The following MAGEA11 variants were observed in gnomAD, a reference collection of about 807,000 sequenced individuals.
MAGEA11 encodes melanoma-associated antigen 11.
MAGEA11 carries 1 observed loss-of-function variant against 8.4 expected under a neutral mutation model. The observed-to-expected ratio is 0.12, with a 90% CI of 0.04 to 0.57. The LOEUF (loss-of-function observed/expected upper bound fraction) is 0.57, where lower values mean the gene tolerates loss of function less well. Ranked by LOEUF, MAGEA11 falls within the 20% of genes least tolerant of loss-of-function variation. The pLI, the probability that MAGEA11 is intolerant of heterozygous loss-of-function variation, is 0.91. For missense variants in MAGEA11, 209 were observed against 317.3 expected (o/e 0.66, Z 2.59); for synonymous variants, 127 against 119.3 (o/e 1.06, Z -0.42).
rs1229422817 is a variant in MAGEA11, at chrX:149,717,245, G to A, written c.*469G>A. Reference sequence around the variant, plus strand: ...AGCTGAACTGGTGTTGTGAAACAGAGAAATAAAAGGAGAAGGTCATTAATT... The same window carrying A: ...AGCTGAACTGGTGTTGTGAAACAGAAAAATAAAAGGAGAAGGTCATTAATT... On this transcript the variant is annotated 3_prime_UTR_variant, in exon 5 of 5. Coordinates refer to ENST00000355220, the MANE Select transcript of MAGEA11 (RefSeq NM_005366.5). 8.7e-6 allele frequency: 1 copy of A among 114,721 alleles called. No homozygotes were observed. The highest frequency in any genetic ancestry group is 3.2e-5 in the African/African-American group (1 of 30,770). 9.5% of individuals were successfully genotyped at this position (114,721 alleles called of 1,213,427 possible). A position where few individuals can be genotyped will look rare whatever the true frequency, so the allele number is the denominator to read the frequency against.
chrX:149,706,989 A>T (rs782199869), intron 1 of MAGEA11, among the ~76,000 whole-genome samples: 2 of 112,860 alleles, frequency 1.8e-5, no homozygotes, highest in South Asian at 7.3e-4. Flanking sequence ...GAGCCCTGCC[A>T]TGCTCACTTA....
At position 149,699,200 on chromosome X, in the gene MAGEA11, G is replaced by A. The variant is rs781860145; in HGVS notation, c.9+10216G>A. On this transcript the variant is annotated intron_variant, in intron 1 of 3. Coordinates refer to the MAGEA11 transcript ENST00000333104. ...CTACCTTCAAATAATATATTATTTCGCATGTCATGTAAGTACTTAACAATT... is the reference window on the plus strand; with the variant it reads ...CTACCTTCAAATAATATATTATTTCACATGTCATGTAAGTACTTAACAATT... 2.8e-3 allele frequency among the ~76,000 whole-genome samples: 313 copies of A among 111,251 alleles called. 1 individual carries two copies. Among genetic ancestry groups the A allele is most frequent in the African/African-American group, 9.4e-3 (288 of 30,627 alleles).
upstream of MAGEA11, among the ~76,000 whole-genome samples, chrX:149,708,778 G>T (rs1469890722): frequency 6.3e-5 from 7 of 111,186 alleles, 1 homozygote; most frequent in Admixed American, 9.5e-5. Flanking sequence ...TACTGAGTTG[G>T]TTTACATTAT....
At chrX:149,699,435 T>C (rs1557360818) in intron 1 of MAGEA11, among the ~76,000 whole-genome samples, 2 of 112,047 alleles carry the variant, frequency 1.8e-5, no homozygotes, top group African/African-American at 3.2e-5. Context: ...TGCCTAATCA[T>C]TGATTGGTGG....
upstream of MAGEA11, among the ~76,000 whole-genome samples, chrX:149,709,473 A>C (rs782682544): frequency 1.8e-5 from 2 of 111,788 alleles, no homozygotes; most frequent in East Asian, 5.6e-4. Context: ...AAAACCATAC[A>C]AAAAGATGGG....
upstream of MAGEA11, among the ~76,000 whole-genome samples, chrX:149,711,058 T>C (rs2090398044): frequency 9.0e-6 from 1 of 111,415 alleles, no homozygotes; most frequent in Non-Finnish European, 1.9e-5. Flanking sequence ...GTGCCAGTAG[T>C]CATGGGGTAA....
At chrX:149,695,798 T>C (rs1365612773) in intron 1 of MAGEA11, among the ~76,000 whole-genome samples, 1 of 112,137 alleles carries the variant, frequency 8.9e-6, no homozygotes, top group East Asian at 2.8e-4. Flanking sequence ...GCTGGGAATG[T>C]TAAATTGCAA....
At chrX:149,699,364 C>T (rs944683745) in intron 1 of MAGEA11, among the ~76,000 whole-genome samples, 2 of 111,549 alleles carry the variant, frequency 1.8e-5, no homozygotes, top group Admixed American at 9.5e-5. Context: ...TTACCCTCGA[C>T]TTGCTCAGTC....
At chrX:149,688,991 G>A (rs1414595909) in intron 1 of MAGEA11, 4 of 1,025,527 alleles carry the variant, frequency 3.9e-6, no homozygotes, top group South Asian at 3.7e-5. Context: ...CAAGGTAAGG[G>A]AATGTGCATC....
upstream of MAGEA11, among the ~76,000 whole-genome samples, chrX:149,710,772 G>A (rs893684082): frequency 1.2e-4 from 13 of 109,546 alleles, no homozygotes; most frequent in South Asian, 4.0e-4. Flanking sequence ...GAACCACCGC[G>A]TTCAGTCTTG....
chrX:149,711,431 G>A (rs2090399575), upstream of MAGEA11, among the ~76,000 whole-genome samples: 1 of 111,944 alleles, frequency 8.9e-6, no homozygotes, highest in Admixed American at 9.4e-5. Flanking sequence ...CTGGGGAGGA[G>A]CCCCCGTAGG....
At chrX:149,702,205 T>A (rs1398816167) in intron 1 of MAGEA11, among the ~76,000 whole-genome samples, 1 of 111,760 alleles carries the variant, frequency 8.9e-6, no homozygotes, top group Admixed American at 9.5e-5. Context: ...TTTATATTGT[T>A]GTTGAAATAT....
chrX:149,695,348 T>C (rs1197700355), intron 1 of MAGEA11, among the ~76,000 whole-genome samples: 1 of 110,643 alleles, frequency 9.0e-6, no homozygotes, highest in Non-Finnish European at 1.9e-5. Context: ...CTCCAATTTA[T>C]AGCATAGTTT....
chrX:149,712,582 C>G (rs1316837700), intron 1 of MAGEA11, among the ~76,000 whole-genome samples: 4 of 111,420 alleles, frequency 3.6e-5, no homozygotes, highest in African/African-American at 6.5e-5. Flanking sequence ...GGCCCAGGCT[C>G]TGTGAGGAGG....
chrX:149,715,700 C>T (rs782049696), intron 4 of MAGEA11, 23 bp downstream of exon 4: 20 of 1,196,504 alleles, frequency 1.7e-5, no homozygotes, highest in Non-Finnish European at 2.1e-5. Flanking sequence ...TTGTTAGATT[C>T]TCCATGGTTC....
chrX:149,712,100 C>A lies in MAGEA11; in HGVS notation c.-80C>A. 1.3e-6 allele frequency: 1 copy of A among 753,094 alleles called. No homozygotes were observed. 62.1% of individuals were successfully genotyped at this position (753,094 alleles called of 1,213,427 possible). A position where few individuals can be genotyped will look rare whatever the true frequency, so the allele number is the denominator to read the frequency against. On this transcript the variant is annotated 5_prime_UTR_variant, in exon 1 of 5. Transcript: ENST00000355220. The stretch of plus-strand genomic sequence containing the variant: ...TGGGATCTGAGAGAAGCGAAAGCGT[C>A]TTTCTGAGGGGTGTCTTGAGAGTGG...
Position 149,713,165 on chromosome X carries a change from G to A in MAGEA11, c.6G>A (p.Glu2=). ...CAGCCTTGGGAATCTGAGGGATGGA[G>A]ACTCAGTTCCGCAGAGGGGGTCTGG... M[E]TQFRRGGLGC... The change falls in exon 2 of 5, where the codon GAG becomes GAA. Residue 2 remains glutamate (E), a synonymous_variant. Coordinates refer to ENST00000355220, the MANE Select transcript of MAGEA11 (RefSeq NM_005366.5). The A allele has an allele frequency of 8.3e-7, 1 of 1,205,405 alleles. No homozygotes were observed. Among genetic ancestry groups the A allele is most frequent in the Non-Finnish European group, 1.1e-6 (1 of 891,150 alleles).
chrX:149,700,110 C>T (rs1044077131), intron 1 of MAGEA11, among the ~76,000 whole-genome samples: 2 of 112,527 alleles, frequency 1.8e-5, no homozygotes, highest in African/African-American at 6.5e-5. Context: ...GATTACAATT[C>T]GAAATGAGAT....
rs112203229 is a variant in MAGEA11, at chrX:149,704,364, T to A, written c.10-10117T>A. ...CTGGGGATCCAGAGGGGAATGCAGATGAGGTGAAGACATTAAAGAGTTAAG... is the reference window on the plus strand; with the variant it reads ...CTGGGGATCCAGAGGGGAATGCAGAAGAGGTGAAGACATTAAAGAGTTAAG... On this transcript the variant is annotated intron_variant, in intron 1 of 3. Coordinates refer to the MAGEA11 transcript ENST00000333104. Among the ~76,000 whole-genome samples the A allele has an allele frequency of 6.2e-5, 7 of 112,398 alleles. No individual in the cohort carries two copies. The South Asian group carries it at 2.6e-3, about 42-fold the overall frequency.
Sources: gnomAD v4.1 joint callset for allele counts (sites outside exome capture counted in the v4.1 genomes callset) on GRCh38, gnomAD v4.1.1 for gene constraint, MANE v1.5 for transcripts, NCBI Gene and HGNC (gene_info 2026-07-23, HGNC 2026-07-21) for gene names.